The following DUSP10 variants were observed in gnomAD, a reference collection of about 807,000 sequenced individuals.
DUSP10 encodes the protein dual specificity protein phosphatase 10.
Under a neutral mutation model 30.8 loss-of-function variants are expected in DUSP10, and 14 were observed. That is an observed-to-expected ratio of 0.46 (90% CI 0.30 to 0.71). The LOEUF is 0.71. DUSP10 is among the 30% of genes least tolerant of loss of function. The probability of loss-of-function intolerance (pLI) is 0.08; values close to 1 mark genes in which losing one functional copy is unlikely to be tolerated. For synonymous variants in DUSP10, 254 were observed against 250.4 expected (o/e 1.01, Z -0.14); for missense variants, 550 against 619.4 (o/e 0.89, Z 1.19).
At chr1:221,710,931 T>C (rs1000846326) in intron 2 of DUSP10, among the ~76,000 whole-genome samples, 2 of 151,692 alleles carry the variant, frequency 1.3e-5, no homozygotes, top group African/African-American at 2.4e-5. Flanking sequence ...AATGCTGGGG[T>C]AGGGTGAGGC....
chr1:221,733,997 A>T (rs1661691938), intron 2 of DUSP10, among the ~76,000 whole-genome samples: 1 of 152,218 alleles, frequency 6.6e-6, no homozygotes, highest in Non-Finnish European at 1.5e-5. Context: ...AAGTTTCAGG[A>T]CTTCCTGAAA....
chr1:221,735,250 C>G (rs990377774), intron 2 of DUSP10, among the ~76,000 whole-genome samples: 1 of 152,158 alleles, frequency 6.6e-6, no homozygotes, highest in African/African-American at 2.4e-5. Context: ...TTTACAACAG[C>G]ATAGAGCAAG....
chr1:221,719,499 T>G (rs1377935841), intron 2 of DUSP10, among the ~76,000 whole-genome samples: 1 of 151,986 alleles, frequency 6.6e-6, no homozygotes, highest in Non-Finnish European at 1.5e-5. Flanking sequence ...TGTCCCTGCC[T>G]GGGTGACCAC....
chr1:221,721,889 A>G (rs879911035), intron 2 of DUSP10, among the ~76,000 whole-genome samples: 1 of 152,202 alleles, frequency 6.6e-6, no homozygotes, highest in Non-Finnish European at 1.5e-5. Context: ...GGTATACACA[A>G]GCTAAGATCT....
At position 221,739,569 on chromosome 1, in the gene DUSP10, G is replaced by T. The variant is rs369421974; in HGVS notation, c.176C>A (p.Thr59Lys). The change falls in exon 2 of 4, where the codon ACG (threonine) becomes AAG (lysine). Residue 59 changes from threonine to lysine, a missense_variant. Physicochemically the swap from Thr to Lys is moderately conservative, Grantham distance 78. Coordinates refer to ENST00000366899, the MANE Select transcript of DUSP10 (RefSeq NM_007207.6). Reference protein sequence around the residue: ...TVVSLKAANLTYMPSSSGSAR... With the variant: ...TVVSLKAANLKYMPSSSGSAR... ...AGAGCCGCTGGATGAGGGCATATAC[G>T]TCAGATTCGCAGCCTTGAGGGACAC... The T allele has an allele frequency of 1.9e-6, 3 of 1,614,158 alleles. No homozygotes were observed. The highest frequency in any genetic ancestry group is 3.3e-5 in the Admixed American group (2 of 60,024).
intron 2 of DUSP10, among the ~76,000 whole-genome samples, chr1:221,729,194 T>TG (rs1459850887): frequency 6.6e-6 from 1 of 152,244 alleles, no homozygotes; most frequent in Non-Finnish European, 1.5e-5. Flanking sequence ...AAAACTGTCA[T>TG]GACCAAAATT....
At position 221,702,425 on chromosome 1, in the gene DUSP10, T is replaced by A; in HGVS notation, c.1436A>T (p.Glu479Val). ...TCCAGACCATTGTCACACAACCGTC[T>A]CCACGCCCATCAGCTTTGGTGTAAG... ...RILTPKLMGV[E>V]TVV Residue 479 changes from glutamate (E) to valine (V), a missense_variant, in exon 4 of 4, where the codon GAG becomes GTG. Transcript: ENST00000366899. This position sits in a 1 kb window ranked among gnomAD's most constrained non-coding sequence, Gnocchi z 4.5. 6.2e-7 allele frequency: 1 copy of A among 1,613,666 alleles called. No homozygotes were observed. The highest frequency in any genetic ancestry group is 8.5e-7 in the Non-Finnish European group (1 of 1,179,934).
intron 2 of DUSP10, among the ~76,000 whole-genome samples, chr1:221,710,271 T>C (rs1660897558): frequency 6.6e-6 from 1 of 151,346 alleles, no homozygotes; most frequent in African/African-American, 2.4e-5. Flanking sequence ...GTGCAGTGAT[T>C]CAGAGAAGGA....
intron 2 of DUSP10, chr1:221,737,451 A>G: frequency 8.1e-6 from 8 of 985,338 alleles, no homozygotes; most frequent in Non-Finnish European, 9.6e-6. Context: ...CTCAAAGTCA[A>G]CCATACAAGA....
chr1:221,714,771 T>G (rs1323742092), intron 2 of DUSP10, among the ~76,000 whole-genome samples: 1 of 152,188 alleles, frequency 6.6e-6, no homozygotes, highest in Non-Finnish European at 1.5e-5. Flanking sequence ...AAACTCCTCT[T>G]GTGTGTCTAT....
chr1:221,738,855 A>G, intron 2 of DUSP10, 79 bp downstream of exon 2: 4 of 1,504,072 alleles, frequency 2.7e-6, no homozygotes, highest in Non-Finnish European at 8.9e-7. Context: ...GGGTAAGGAG[A>G]ATGCTGTCAC....
chr1:221,711,214 C>T lies in DUSP10; in HGVS notation c.812-4748G>A, dbSNP rs908561583. ...GCTCCTGTTGCTGTTTTGGCGACTG[C>T]AGTCCTAGAAACAGAAGAGTCCTCT... is the stretch of plus-strand genomic sequence containing the variant. On this transcript the variant is annotated intron_variant, in intron 2 of 3. Coordinates refer to ENST00000366899, the MANE Select transcript of DUSP10 (RefSeq NM_007207.6). Among the ~76,000 whole-genome samples, 4 of 152,208 alleles carry T rather than the reference C, an allele frequency of 2.6e-5. No homozygotes were observed. In the East Asian group the frequency reaches 5.8e-4, roughly 22 times the overall value.
chr1:221,716,411 T>G (rs1661109745), intron 2 of DUSP10, among the ~76,000 whole-genome samples: 1 of 152,178 alleles, frequency 6.6e-6, no homozygotes, highest in Non-Finnish European at 1.5e-5. Flanking sequence ...GGCAGGGAAG[T>G]GCCTTCTGCT....
intron 2 of DUSP10, among the ~76,000 whole-genome samples, chr1:221,721,483 C>G (rs933848150): frequency 2.0e-5 from 3 of 152,198 alleles, no homozygotes; most frequent in African/African-American, 4.8e-5. Flanking sequence ...CAGGACTCGC[C>G]AGGTGAATTC....
At chr1:221,735,872 AG>A (rs1266543823) in intron 2 of DUSP10, among the ~76,000 whole-genome samples, 2 of 152,244 alleles carry the variant, frequency 1.3e-5, no homozygotes, top group Admixed American at 6.5e-5. Flanking sequence ...CAGTTTGACT[AG>A]AAAGCAAGTT....
chr1:221,703,767 A>T (rs921973715), intron 3 of DUSP10, among the ~76,000 whole-genome samples: 1 of 152,212 alleles, frequency 6.6e-6, no homozygotes, highest in African/African-American at 2.4e-5. Context: ...TCCTTGAAGG[A>T]ACACCAATTA....
intron 1 of DUSP10, among the ~76,000 whole-genome samples, chr1:221,740,695 G>A (rs990444703): frequency 6.6e-6 from 1 of 152,184 alleles, no homozygotes; most frequent in Non-Finnish European, 1.5e-5. Flanking sequence ...AGGCAGCCAC[G>A]TTGTATAAGG....
At chr1:221,713,083 G>A (rs752077597) in intron 2 of DUSP10, among the ~76,000 whole-genome samples, 1 of 152,186 alleles carries the variant, frequency 6.6e-6, no homozygotes, top group South Asian at 2.1e-4. Context: ...GAGACTACAG[G>A]GGTCAATGTC....
At chr1:221,733,645 C>A (rs1456063948) in intron 2 of DUSP10, among the ~76,000 whole-genome samples, 1 of 152,200 alleles carries the variant, frequency 6.6e-6, no homozygotes, top group Non-Finnish European at 1.5e-5. Flanking sequence ...TTATTGACAG[C>A]CATCAAATGC....
Sources: allele counts gnomAD v4.1 joint callset (sites outside exome capture counted in the v4.1 genomes callset), GRCh38; gene constraint gnomAD v4.1.1; non-coding constraint Gnocchi (gnomAD v3.1); transcripts MANE v1.5; gene names NCBI Gene and HGNC (gene_info 2026-07-23, HGNC 2026-07-21).